Variants in CALCOCO2 observed in about 807,000 individuals in gnomAD.
The protein encoded by CALCOCO2 is calcium-binding and coiled-coil domain-containing protein 2.
CALCOCO2 carries 42 observed loss-of-function variants against 62.5 expected under a neutral mutation model. The ratio of observed to expected loss-of-function variants is 0.67; its 90% CI spans 0.53 to 0.87. The LOEUF is 0.87. CALCOCO2 is among the 40% of genes least tolerant of loss of function. The pLI is 0.00. For synonymous variants in CALCOCO2, 167 were observed against 173.0 expected, an observed-to-expected ratio of 0.97 and a Z score of 0.27; for missense variants, 456 against 515.0, an observed-to-expected ratio of 0.89 and a Z score of 1.11.
At position 48,851,143 on chromosome 17, in the gene CALCOCO2, G is replaced by A; in HGVS notation, c.598G>A (p.Glu200Lys). The A allele has an allele frequency of 6.2e-7, 1 of 1,611,052 alleles. No homozygotes were observed. The highest frequency in any genetic ancestry group is 8.5e-7 in the Non-Finnish European group (1 of 1,177,318). ...TAAGAAGTTGGAACTGAAAGTGAAA[G>A]AACAGAAGGACTATTGGGAGACAGA... Reference protein sequence around the residue: ...INKKLELKVKEQKDYWETELL... With the variant: ...INKKLELKVKKQKDYWETELL... Residue 200 changes from glutamate (E) to lysine (K), a missense_variant, in exon 6 of 13, where the codon GAA (glutamate) becomes AAA (lysine). Physicochemically the swap from Glu to Lys is moderately conservative, Grantham distance 56. Around this residue, in one of 3 missense-constraint regions of CALCOCO2, gnomAD observed 236 missense variants for 225.3 expected, o/e 1.05. Coordinates refer to ENST00000258947, the MANE Select transcript of CALCOCO2 (RefSeq NM_005831.5).
At chr17:48,851,233 T>A in intron 6 of CALCOCO2, 56 bp downstream of exon 6, 1 of 949,214 alleles carries the variant, frequency 1.1e-6, no homozygotes, top group Non-Finnish European at 1.7e-6. Flanking sequence ...TCAGTACCCT[T>A]AAGTACAGTC....
intron 2 of CALCOCO2, chr17:48,843,767 AAG>A (rs2040006914): frequency 6.6e-6 from 1 of 152,250 alleles, no homozygotes; most frequent in African/African-American, 2.4e-5. Context: ...ATTGCCTGGT[AAG>A]AGTTTTCTGC....
chr17:48,849,414 A>C (rs998344033), intron 5 of CALCOCO2, 37 bp downstream of exon 5: 11 of 1,593,776 alleles, frequency 6.9e-6, no homozygotes, highest in Non-Finnish European at 9.4e-6. Flanking sequence ...TGGAGCATGG[A>C]GATCAGAATT....
intron 1 of CALCOCO2, among the ~76,000 whole-genome samples, chr17:48,839,670 C>CCTT (rs2039949262): frequency 1.5e-5 from 1 of 66,172 alleles, no homozygotes; most frequent in Non-Finnish European, 2.7e-5. Context: ...CTTTGCTTTG[C>CCTT]TTTTTTTTTT....
In CALCOCO2 at chr17:48,856,115, A is replaced by G; in HGVS notation, c.936A>G (p.Lys312=). ...ELMDENFDLS[K]RLSENEIICN... is the part of the protein sequence containing the mutation. ...AGGATGAAAACTTTGACCTGTCAAAAAGACTGAGTGAGAACGAAATTATAT... is the reference window on the plus strand; with the variant it reads ...AGGATGAAAACTTTGACCTGTCAAAGAGACTGAGTGAGAACGAAATTATAT... Residue 312 remains lysine, a synonymous_variant, in exon 10 of 13, where the codon AAA becomes AAG. Coordinates refer to ENST00000258947, the MANE Select transcript of CALCOCO2 (RefSeq NM_005831.5). The G allele has an allele frequency of 6.3e-7, 1 of 1,598,282 alleles. No individual in the cohort carries two copies. Among genetic ancestry groups the G allele is most frequent in the African/African-American group, 1.3e-5 (1 of 74,650 alleles).
chr17:48,840,904 ACT>A (rs1447440133), intron 1 of CALCOCO2, among the ~76,000 whole-genome samples: 1 of 152,134 alleles, frequency 6.6e-6, no homozygotes, highest in African/African-American at 2.4e-5. Context: ...CTTTATGCAG[ACT>A]CTGTGCTAAG....
chr17:48,850,917 TAAA>T (rs35936083), intron 5 of CALCOCO2, 169 bp from the exon 6 acceptor site: 23,775 of 353,620 alleles, frequency 0.067, 3 homozygotes, highest in East Asian at 0.17. Flanking sequence ...GACACTGTCT[TAAA>T]AAAAAAAAAA....
chr17:48,832,968 G>A (rs188082879), intron 1 of CALCOCO2, among the ~76,000 whole-genome samples: 114 of 152,250 alleles, frequency 7.5e-4, no homozygotes, highest in Admixed American at 2.2e-3. Flanking sequence ...AGTAATAAAG[G>A]CCTCCTGGGG....
At chr17:48,845,519 A>T (rs2040040055) in intron 2 of CALCOCO2, among the ~76,000 whole-genome samples, 1 of 151,266 alleles carries the variant, frequency 6.6e-6, no homozygotes, top group Non-Finnish European at 1.5e-5. Flanking sequence ...CACCTGAGCT[A>T]GGGAGTTCAA....
chr17:48,861,165 C>A (rs963882167), intron 11 of CALCOCO2, among the ~76,000 whole-genome samples: 1 of 151,834 alleles, frequency 6.6e-6, no homozygotes, highest in African/African-American at 2.4e-5. Flanking sequence ...GTCAGGAGTT[C>A]GAGACAAGCG....
At chr17:48,851,656 G>A (rs774708328) in intron 7 of CALCOCO2, 28 bp downstream of exon 7, 2 of 1,368,168 alleles carry the variant, frequency 1.5e-6, no homozygotes, top group Non-Finnish European at 2.1e-6. Context: ...TTTGTCAAAG[G>A]ATATTTTCTT....
At chr17:48,841,955 C>T (rs918305387) in intron 2 of CALCOCO2, 68 bp downstream of exon 2, 5 of 1,137,474 alleles carry the variant, frequency 4.4e-6, no homozygotes, top group Non-Finnish European at 6.3e-6. Flanking sequence ...AACTGTGTGA[C>T]TCTCTGTGTA....
intron 1 of CALCOCO2, among the ~76,000 whole-genome samples, chr17:48,836,889 A>T (rs955019579): frequency 1.4e-4 from 21 of 151,082 alleles, no homozygotes; most frequent in Admixed American, 6.7e-4. Context: ...CCTTCTGAGT[A>T]GCTGGAATTA....
intron 6 of CALCOCO2, 78 bp from the exon 7 acceptor site, chr17:48,851,481 A>G (rs1279326333): frequency 5.9e-6 from 5 of 847,876 alleles, no homozygotes; most frequent in Admixed American, 5.2e-5. Context: ...GGGCCAAGCC[A>G]GCCTTAAATC....
Position 48,852,607 on chromosome 17 carries a change from C to T in CALCOCO2, c.804C>T (p.Leu268=), listed in dbSNP as rs956080710. ...AGCTGAAAAAGGAAAATGACCACCTCTTTCTCAGTTTAACTGAACAGGTAG... is the reference window on the plus strand; with the variant it reads ...AGCTGAAAAAGGAAAATGACCACCTTTTTCTCAGTTTAACTGAACAGGTAG... The part of the protein sequence containing the change: ...LEQLKKENDH[L]FLSLTEQRKD... Residue 268 remains leucine, a synonymous_variant, in exon 8 of 13, where the codon CTC becomes CTT. Coordinates refer to ENST00000258947, the MANE Select transcript of CALCOCO2 (RefSeq NM_005831.5). 11 of 1,613,576 alleles carry T rather than the reference C, an allele frequency of 6.8e-6. No homozygotes were observed. Among genetic ancestry groups the T allele is most frequent in the Non-Finnish European group, 9.3e-6 (11 of 1,179,620 alleles).
chr17:48,836,944 A>G (rs1249641913), intron 1 of CALCOCO2, among the ~76,000 whole-genome samples: 1 of 152,056 alleles, frequency 6.6e-6, no homozygotes, highest in African/African-American at 2.4e-5. Flanking sequence ...TATTTTTAGT[A>G]GAAATGGGGT....
chr17:48,854,284 C>G (rs1390067128), intron 9 of CALCOCO2, among the ~76,000 whole-genome samples: 1 of 118,248 alleles, frequency 8.5e-6, no homozygotes, highest in East Asian at 3.0e-4. Context: ...CCATTGCACT[C>G]CAGCTGGGGC....
intron 2 of CALCOCO2, among the ~76,000 whole-genome samples, chr17:48,844,792 A>G (rs1489495131): frequency 6.6e-6 from 1 of 151,828 alleles, no homozygotes; most frequent in Non-Finnish European, 1.5e-5. Context: ...TGCTGGGATT[A>G]CAGGCGTGAG....
intron 4 of CALCOCO2, chr17:48,848,966 G>A: frequency 2.3e-6 from 1 of 435,226 alleles, no homozygotes; most frequent in South Asian, 1.9e-5. Flanking sequence ...AGTCCATTGG[G>A]AGAGACAAAC....
Sources: allele counts gnomAD v4.1 joint callset (sites outside exome capture counted in the v4.1 genomes callset), GRCh38; gene constraint gnomAD v4.1.1; regional missense constraint gnomAD v4.1.1; transcripts MANE v1.5; gene names NCBI Gene and HGNC (gene_info 2026-07-23, HGNC 2026-07-21).